Variants in SLC24A2 observed in about 807,000 individuals in gnomAD.
SLC24A2 encodes the protein sodium/potassium/calcium exchanger 2.
A neutral mutation model predicts 62.0 loss-of-function variants in SLC24A2; 36 were observed. The ratio of observed to expected loss-of-function variants is 0.58; its 90% CI spans 0.44 to 0.77. The LOEUF is 0.77. Among genes scored for constraint, SLC24A2 ranks in the 30% least tolerant of loss-of-function variants. The pLI is 0.00. For missense variants in SLC24A2, 846 were observed against 817.9 expected, an observed-to-expected ratio of 1.03 and a Z score of -0.42; for synonymous variants, 358 against 294.0, an observed-to-expected ratio of 1.22 and a Z score of -2.23.
rs1440919509 is a variant in SLC24A2 at position 19,521,258 on chromosome 9, G to GA, written c.1570-199dup. Reference sequence around the variant, plus strand: ...AGGATATTCAGACCCAAGGCATCAGGAATGTTCACATGAAAATTAAACAGA... The same window carrying GA: ...AGGATATTCAGACCCAAGGCATCAGGAAATGTTCACATGAAAATTAAACAGA... On this transcript the variant is annotated intron_variant, in intron 9 of 10. Coordinates refer to ENST00000341998, the MANE Select transcript of SLC24A2 (RefSeq NM_020344.4). Among the ~76,000 whole-genome samples the GA allele has an allele frequency of 4.6e-5, 7 of 152,304 alleles. No individual in the cohort carries two copies. The East Asian group carries it at 1.2e-3, about 25-fold the overall frequency.
the SLC24A2 span, among the ~76,000 whole-genome samples, chr9:19,842,283 A>G: frequency 2.6e-5 from 4 of 152,360 alleles, no homozygotes; most frequent in African/African-American, 9.6e-5. Flanking sequence ...AAAGAAATGC[A>G]GCACTGGGAT....
chr9:19,630,536 GTCT>G (rs1564006586), intron 2 of SLC24A2, among the ~76,000 whole-genome samples: 1 of 151,980 alleles, frequency 6.6e-6, no homozygotes, highest in Non-Finnish European at 1.5e-5. Flanking sequence ...CATATTTATA[GTCT>G]TCTAGCTACA....
intron 2 of SLC24A2, among the ~76,000 whole-genome samples, chr9:19,697,690 T>C (rs778529393): frequency 1.3e-5 from 2 of 152,322 alleles, no homozygotes; most frequent in African/African-American, 2.4e-5. Flanking sequence ...TTTAAAAATA[T>C]ACATTTAGCA....
chr9:20,088,450 T>C, the SLC24A2 span, among the ~76,000 whole-genome samples: 1 of 152,194 alleles, frequency 6.6e-6, no homozygotes, highest in Admixed American at 6.5e-5. Flanking sequence ...GACTATTTTT[T>C]TATGTGTGTC....
intron 2 of SLC24A2, among the ~76,000 whole-genome samples, chr9:19,708,013 C>A (rs1197216360): frequency 6.6e-6 from 1 of 152,210 alleles, no homozygotes; most frequent in Non-Finnish European, 1.5e-5. Flanking sequence ...ACCCCATTGT[C>A]TCAGCCCTAA....
intron 2 of SLC24A2, among the ~76,000 whole-genome samples, chr9:19,767,426 G>T (rs576920657): frequency 1.3e-5 from 2 of 152,352 alleles, no homozygotes; most frequent in African/African-American, 4.8e-5. Context: ...CAGGGCCCTT[G>T]TGGTATAGGC....
chr9:19,725,042 T>C (rs1821131101), intron 2 of SLC24A2, among the ~76,000 whole-genome samples: 2 of 152,206 alleles, frequency 1.3e-5, no homozygotes, highest in African/African-American at 4.8e-5. Context: ...CTCTGTCTTA[T>C]ACTGTAGTTA....
chr9:19,820,622 A>G, the SLC24A2 span, among the ~76,000 whole-genome samples: 1 of 151,982 alleles, frequency 6.6e-6, no homozygotes, highest in Non-Finnish European at 1.5e-5. Context: ...TAAAAAAATT[A>G]CCAGGGTGAT....
At chr9:19,770,034 T>C (rs986830879) in intron 2 of SLC24A2, among the ~76,000 whole-genome samples, 1 of 151,214 alleles carries the variant, frequency 6.6e-6, no homozygotes, top group African/African-American at 2.4e-5. Flanking sequence ...TCCAGGCTCA[T>C]AAAGAAATTA....
the SLC24A2 span, among the ~76,000 whole-genome samples, chr9:20,255,157 G>C: frequency 5.9e-5 from 9 of 152,214 alleles, no homozygotes; most frequent in African/African-American, 2.2e-4. Flanking sequence ...GGTTTAGCGT[G>C]TCTAATATCT....
the SLC24A2 span, among the ~76,000 whole-genome samples, chr9:20,167,816 C>T: frequency 6.6e-6 from 1 of 151,936 alleles, no homozygotes; most frequent in East Asian, 2.0e-4. Context: ...AATTTTTGGC[C>T]TCAAGCAATC....
At chr9:20,143,345 A>G in the SLC24A2 span, among the ~76,000 whole-genome samples, 2 of 152,204 alleles carry the variant, frequency 1.3e-5, no homozygotes, top group Admixed American at 6.5e-5. Context: ...AAGAAAAGGA[A>G]AACTGAACAA....
At chr9:20,229,041 C>T in the SLC24A2 span, among the ~76,000 whole-genome samples, 1 of 152,156 alleles carries the variant, frequency 6.6e-6, no homozygotes, top group Non-Finnish European at 1.5e-5. Flanking sequence ...TGTGACATAA[C>T]TGTGTTATTT....
the SLC24A2 span, among the ~76,000 whole-genome samples, chr9:20,014,906 C>A: frequency 6.2e-4 from 94 of 152,064 alleles, no homozygotes; most frequent in African/African-American, 2.1e-3. Context: ...AGAAATGATA[C>A]GTAAGTATGG....
the SLC24A2 span, among the ~76,000 whole-genome samples, chr9:20,080,507 C>G: frequency 6.6e-6 from 1 of 151,354 alleles, no homozygotes; most frequent in Admixed American, 6.6e-5. Flanking sequence ...CATGTTAGAC[C>G]TAAAACCATA....
At chr9:19,535,333 C>T (rs922563240) in intron 8 of SLC24A2, among the ~76,000 whole-genome samples, 2 of 152,096 alleles carry the variant, frequency 1.3e-5, no homozygotes, top group African/African-American at 4.8e-5. Context: ...GTTCCTTTTG[C>T]TGTGCAGAAG....
the SLC24A2 span, chr9:19,895,807 G>A: frequency 1.9e-6 from 3 of 1,597,216 alleles, no homozygotes; most frequent in South Asian, 3.4e-5. Flanking sequence ...TCATCTGCTT[G>A]GGTTGCAGCT....
At chr9:20,215,798 G>C in the SLC24A2 span, among the ~76,000 whole-genome samples, 65 of 151,886 alleles carry the variant, frequency 4.3e-4, no homozygotes, top group African/African-American at 1.5e-3. Flanking sequence ...GGCTGGGCCT[G>C]TGAGATTACT....
At chr9:20,204,324 A>G in the SLC24A2 span, among the ~76,000 whole-genome samples, 567 of 152,356 alleles carry the variant, frequency 3.7e-3, 2 homozygotes, top group Middle Eastern at 6.8e-3. Context: ...TAGCTGGAAA[A>G]AGAGACTGCG....
Sources: gnomAD v4.1 joint callset for allele counts (sites outside exome capture counted in the v4.1 genomes callset) on GRCh38, gnomAD v4.1.1 for gene constraint, MANE v1.5 for transcripts, NCBI Gene and HGNC (gene_info 2026-07-23, HGNC 2026-07-21) for gene names.